Variants in HEATR1 observed in about 807,000 individuals in gnomAD.
HEATR1 encodes HEAT repeat-containing protein 1.
HEATR1 carries 77 observed loss-of-function variants against 248.2 expected under a neutral mutation model. The observed-to-expected ratio is 0.31, with a 90% confidence interval of 0.26 to 0.37. The LOEUF is 0.37. Among genes scored for constraint, HEATR1 ranks in the 10% least tolerant of loss-of-function variants. The probability of loss-of-function intolerance (pLI) is 1.00; values close to 1 mark genes in which losing one functional copy is unlikely to be tolerated. For synonymous variants in HEATR1, 897 were observed against 923.1 expected (o/e 0.97, Z 0.51); for missense variants, 2,420 against 2,504.9 (o/e 0.97, Z 0.72).
rs1662697004 is a variant in HEATR1, at chr1:236,550,844, TA to T, written c.*57del. On this transcript the variant is annotated 3_prime_UTR_variant, in exon 45 of 45. Coordinates refer to ENST00000366582, the MANE Select transcript of HEATR1 (RefSeq NM_018072.6). ...TAACATGGCACCCAACACCCAAAAA[TA>T]AAAATATGAAATATGAGTGTGAACT... 7.3e-7 allele frequency: 1 copy of T among 1,372,704 alleles called. No homozygotes were observed. Among genetic ancestry groups the T allele is most frequent in the Non-Finnish European group, 1.0e-6 (1 of 995,102 alleles). The allele number at this position is 1,372,704 out of a possible 1,614,324, so 85.0% of individuals were successfully genotyped here.
At chr1:236,569,338 G>A (rs1223044232) in intron 28 of HEATR1, among the ~76,000 whole-genome samples, 4 of 151,982 alleles carry the variant, frequency 2.6e-5, no homozygotes, top group African/African-American at 9.7e-5. Context: ...ACCCTGCCCA[G>A]CTAATTTTTT....
rs777920955 is a variant in HEATR1 at position 236,559,717 on chromosome 1, A to G, written c.4767T>C (p.Asp1589=). Residue 1589 remains aspartate, a synonymous_variant, in exon 34 of 45, where the codon GAT becomes GAC. Transcript: ENST00000366582. ...CCAGGGAGAAATGAACACCTACCTT[A>G]TCTAACAGGTCGTAAGCTTTACTAA... ...ALLSKAYDLL[D]KVNALLPTET... is the part of the protein sequence containing the mutation. 5.0e-6 allele frequency: 8 copies of G among 1,608,762 alleles called. No individual in the cohort carries two copies. The East Asian group carries it at 1.8e-4, about 36-fold the overall frequency.
rs2103153788 is a variant in HEATR1, at chr1:236,595,422, A to G, written c.1090+118T>C. The G allele has an allele frequency of 3.6e-6, 3 of 832,074 alleles. 1 individual carries two copies. The highest frequency in any genetic ancestry group is 4.8e-5 in the South Asian group (2 of 41,364). 51.5% of individuals were successfully genotyped at this position (832,074 alleles called of 1,614,324 possible). ...CTCACTTAAGAAATAGACAAGTTAC[A>G]CAAGAACAACTGGAAAACAGAAATT... On this transcript the variant is annotated intron_variant, in intron 8 of 44. Transcript: ENST00000366582.
chr1:236,583,484 CTTTTTTTTT>C (rs373107503), intron 17 of HEATR1, among the ~76,000 whole-genome samples: 2 of 115,248 alleles, frequency 1.7e-5, no homozygotes, highest in Non-Finnish European at 3.6e-5. Flanking sequence ...AGGCATATTT[CTTTTTTTTT>C]TTTTTTTTTT....
intron 21 of HEATR1, 102 bp downstream of exon 21, chr1:236,576,678 A>C: frequency 9.4e-7 from 1 of 1,068,362 alleles, no homozygotes; most frequent in East Asian, 2.4e-5. Context: ...CCAATGACTT[A>C]GTCCATCAAA....
intron 8 of HEATR1, 43 bp from the exon 9 acceptor site, chr1:236,594,157 T>C (rs1664115001): frequency 1.6e-6 from 2 of 1,283,998 alleles, no homozygotes; most frequent in African/African-American, 1.5e-5. Context: ...AAAATTTATT[T>C]TGCAAGCTAA....
intron 29 of HEATR1, among the ~76,000 whole-genome samples, chr1:236,568,235 G>A (rs1287259471): frequency 1.3e-5 from 2 of 152,076 alleles, no homozygotes; most frequent in Admixed American, 1.3e-4. Flanking sequence ...GAACTCTTTA[G>A]CATTTACTTA....
intron 22 of HEATR1, 36 bp from the exon 23 acceptor site, chr1:236,574,939 T>C: frequency 6.3e-7 from 1 of 1,589,510 alleles, no homozygotes; most frequent in Non-Finnish European, 8.6e-7. Context: ...AATAGTTATG[T>C]ATACTGATAT....
chr1:236,563,281 A>G (rs965051573), intron 32 of HEATR1, among the ~76,000 whole-genome samples: 2 of 149,786 alleles, frequency 1.3e-5, no homozygotes, highest in Non-Finnish European at 3.0e-5. Flanking sequence ...CCTTTTTTTT[A>G]TTTTTTTTAT....
intron 12 of HEATR1, 53 bp downstream of exon 12, chr1:236,590,794 C>T: frequency 1.5e-5 from 13 of 878,342 alleles, no homozygotes; most frequent in East Asian, 2.7e-5. Flanking sequence ...TTCAGAATTA[C>T]ACTGCTCATC....
At position 236,586,074 on chromosome 1, in the gene HEATR1, AT is replaced by A. The variant is rs538214303; in HGVS notation, c.1928-134del. On this transcript the variant is annotated intron_variant, in intron 15 of 44. Transcript: ENST00000366582. ...TATTTTTCCTTGTATCCGATTCTGA[AT>A]TTGTCTATGAATTGGCTTCCTTTTC... 1.5e-5 allele frequency: 20 copies of A among 1,318,368 alleles called. No homozygotes were observed. The East Asian group carries it at 4.9e-4, about 32-fold the overall frequency. The allele number at this position is 1,318,368 out of a possible 1,614,324, so 81.7% of individuals were successfully genotyped here.
chr1:236,566,168 A>C, intron 30 of HEATR1, 123 bp from the exon 31 acceptor site: 1 of 859,320 alleles, frequency 1.2e-6, no homozygotes, highest in Non-Finnish European at 1.7e-6. Flanking sequence ...GAGTGGGTCG[A>C]GATCTACTCC....
intron 32 of HEATR1, among the ~76,000 whole-genome samples, chr1:236,563,004 T>C (rs1572035323): frequency 6.6e-6 from 1 of 152,240 alleles, no homozygotes; most frequent in African/African-American, 2.4e-5. Flanking sequence ...CACTGATCTC[T>C]AGATAGTGTC....
chr1:236,585,795 G>A lies in HEATR1; in HGVS notation c.2049+25C>T, dbSNP rs1275425215. 3.7e-6 allele frequency: 6 copies of A among 1,606,454 alleles called. No homozygotes were observed. The African/African-American group carries it at 8.0e-5, about 22-fold the overall frequency. On this transcript the variant is annotated intron_variant, in intron 16 of 44. Transcript: ENST00000366582. Reference sequence around the variant, plus strand: ...TAAGAGTATGAGAAAGAAATCCAGGGGGTGGACTTTCAAAGCATACTTACC... The same window carrying A: ...TAAGAGTATGAGAAAGAAATCCAGGAGGTGGACTTTCAAAGCATACTTACC...
intron 24 of HEATR1, 151 bp downstream of exon 24, chr1:236,574,051 G>T: frequency 1.8e-6 from 1 of 543,050 alleles, no homozygotes; most frequent in Non-Finnish European, 3.1e-6. Flanking sequence ...TTTATTTTAT[G>T]CCTCTCTCTG....
intron 3 of HEATR1, among the ~76,000 whole-genome samples, 163 bp from the exon 4 acceptor site, chr1:236,599,787 A>G (rs1664269028): frequency 1.3e-5 from 2 of 152,188 alleles, no homozygotes; most frequent in African/African-American, 4.8e-5. Context: ...AAAGTCCCCA[A>G]TTTTGCATTC....
Position 236,586,227 on chromosome 1 carries a change from A to G in HEATR1, c.1927+14T>C. On this transcript the variant is annotated intron_variant, in intron 15 of 44. Transcript: ENST00000366582. Reference sequence around the variant, plus strand: ...TCTGTTCACTTTTTCTAAAAAAACAACTGAATTTTTTACCTTCTTCCCAGC... The same window carrying G: ...TCTGTTCACTTTTTCTAAAAAAACAGCTGAATTTTTTACCTTCTTCCCAGC... The G allele has an allele frequency of 1.3e-6, 2 of 1,577,844 alleles. No individual in the cohort carries two copies. The highest frequency in any genetic ancestry group is 1.7e-6 in the Non-Finnish European group (2 of 1,161,520).
At chr1:236,581,055 T>C (rs1270586531) in intron 20 of HEATR1, among the ~76,000 whole-genome samples, 167 bp downstream of exon 20, 2 of 152,006 alleles carry the variant, frequency 1.3e-5, no homozygotes, top group Non-Finnish European at 2.9e-5. Context: ...CCTGACCTCA[T>C]GATCTGCCTG....
chr1:236,561,321 A>C (rs1663124748), intron 32 of HEATR1, 50 bp from the exon 33 acceptor site: 6 of 1,371,876 alleles, frequency 4.4e-6, no homozygotes, highest in Non-Finnish European at 6.2e-6. Context: ...TCAATAATAA[A>C]AGTCATTTCA....
Sources: allele counts gnomAD v4.1 joint callset (sites outside exome capture counted in the v4.1 genomes callset), GRCh38; gene constraint gnomAD v4.1.1; transcripts MANE v1.5; gene names NCBI Gene and HGNC (gene_info 2026-07-23, HGNC 2026-07-21).